Variants in L3MBTL4 observed in about 807,000 individuals in gnomAD.
The protein encoded by L3MBTL4 is lethal(3)malignant brain tumor-like protein 4.
Under a neutral mutation model 84.5 loss-of-function variants are expected in L3MBTL4, and 70 were observed. The observed-to-expected ratio is 0.83, with a 90% CI of 0.68 to 1.01. L3MBTL4 has a LOEUF of 1.01. Among genes scored for constraint, L3MBTL4 ranks in the 50% least tolerant of loss-of-function variants. L3MBTL4 has a pLI of 0.00. For missense variants in L3MBTL4, 715 were observed against 754.8 expected, an observed-to-expected ratio of 0.95 and a Z score of 0.62; for synonymous variants, 274 against 259.8, an observed-to-expected ratio of 1.05 and a Z score of -0.52.
chr18:6,297,287 GA>G (rs1568453708), intron 4 of L3MBTL4, among the ~76,000 whole-genome samples: 1 of 152,138 alleles, frequency 6.6e-6, no homozygotes, highest in Non-Finnish European at 1.5e-5. Flanking sequence ...AACGGTAGAA[GA>G]AACCTACATG....
At chr18:6,392,742 C>T (rs577693617) in intron 1 of L3MBTL4, among the ~76,000 whole-genome samples, 2 of 152,282 alleles carry the variant, frequency 1.3e-5, no homozygotes, top group Non-Finnish European at 2.9e-5. Context: ...GAATTTATTA[C>T]TAAGACTTCA....
chr18:6,177,895 C>T (rs2044294139), intron 12 of L3MBTL4, among the ~76,000 whole-genome samples: 1 of 152,194 alleles, frequency 6.6e-6, no homozygotes, highest in Non-Finnish European at 1.5e-5. Context: ...TCCCAAGCTT[C>T]AACTAATTTC....
intron 16 of L3MBTL4, among the ~76,000 whole-genome samples, chr18:6,071,761 A>AAAAGAAAG (rs201841975): frequency 0.11 from 9,700 of 91,712 alleles, 647 homozygotes; most frequent in Non-Finnish European, 0.14. Flanking sequence ...AAGAAAGAAA[A>AAAAGAAAG]AAAGAAAGAA....
At chr18:6,310,280 T>C (rs1409910228) in intron 3 of L3MBTL4, among the ~76,000 whole-genome samples, 2 of 152,160 alleles carry the variant, frequency 1.3e-5, no homozygotes. Context: ...AAATAGAAAG[T>C]TCTTCCCTTA....
At chr18:6,361,302 TAGTAATGAC>T (rs1343617457) in intron 1 of L3MBTL4, among the ~76,000 whole-genome samples, 1 of 152,100 alleles carries the variant, frequency 6.6e-6, no homozygotes, top group Non-Finnish European at 1.5e-5. Flanking sequence ...CCAGTATAAA[TAGTAATGAC>T]AGTCTACCAG....
At chr18:6,231,868 C>A (rs1215219103) in intron 10 of L3MBTL4, among the ~76,000 whole-genome samples, 1 of 152,016 alleles carries the variant, frequency 6.6e-6, no homozygotes, top group Non-Finnish European at 1.5e-5. Context: ...CTCTCCCTTT[C>A]CGTTAGGATG....
At chr18:6,059,523 G>A (rs996700629) in intron 16 of L3MBTL4, among the ~76,000 whole-genome samples, 1 of 151,946 alleles carries the variant, frequency 6.6e-6, no homozygotes, top group Non-Finnish European at 1.5e-5. Context: ...TCATTTTCAT[G>A]TATTTCTGGA....
At chr18:6,114,406 T>C (rs1244690250) in intron 14 of L3MBTL4, among the ~76,000 whole-genome samples, 1 of 152,258 alleles carries the variant, frequency 6.6e-6, no homozygotes, top group Admixed American at 6.5e-5. Flanking sequence ...GGTATCTTTT[T>C]CTGTGCTTCT....
intron 1 of L3MBTL4, chr18:6,367,593 A>C (rs1226523820): frequency 6.6e-6 from 1 of 152,264 alleles, no homozygotes; most frequent in Admixed American, 6.5e-5. Flanking sequence ...AATCCCTGAC[A>C]ATCTTTTCAC....
rs116686832 is a variant in L3MBTL4, at chr18:6,219,171, G to T, written c.785-3336C>A. Among the ~76,000 whole-genome samples, 895 of 152,132 alleles carry T rather than the reference G, an allele frequency of 5.9e-3. 10 individuals carry two copies. Among genetic ancestry groups the T allele is most frequent in the African/African-American group, 0.02 (830 of 41,512 alleles). ...CCAAGTGCTATACAGTTAGAAAGTG[G>T]AAGAAATGGTATCTGAACAATGACG... On this transcript the variant is annotated intron_variant, in intron 10 of 18. Transcript: ENST00000317931.
At chr18:6,293,376 G>A (rs2049953611) in intron 4 of L3MBTL4, among the ~76,000 whole-genome samples, 1 of 152,008 alleles carries the variant, frequency 6.6e-6, no homozygotes, top group Admixed American at 6.6e-5. Context: ...CGAAGTGCTC[G>A]AAGAATAATA....
intron 14 of L3MBTL4, among the ~76,000 whole-genome samples, chr18:6,137,593 T>C (rs1487653604): frequency 6.6e-6 from 1 of 152,232 alleles, no homozygotes; most frequent in Non-Finnish European, 1.5e-5. Context: ...TATATGTTTC[T>C]AGATCACCAA....
chr18:6,370,195 G>A (rs2054103048), intron 1 of L3MBTL4, among the ~76,000 whole-genome samples: 1 of 151,750 alleles, frequency 6.6e-6, no homozygotes, highest in South Asian at 2.1e-4. Context: ...CAAGGGTGAA[G>A]GGAAGGCATA....
chr18:6,153,725 C>G (rs2042986237), intron 13 of L3MBTL4, among the ~76,000 whole-genome samples: 1 of 152,096 alleles, frequency 6.6e-6, no homozygotes, highest in South Asian at 2.1e-4. Flanking sequence ...ATGCTGTTCT[C>G]ATGATAGTGA....
intron 12 of L3MBTL4, among the ~76,000 whole-genome samples, chr18:6,208,581 G>A (rs888106982): frequency 1.3e-5 from 2 of 152,120 alleles, no homozygotes; most frequent in Admixed American, 6.5e-5. Context: ...TCTGTTTTAA[G>A]TCCTTCCTTT....
intron 14 of L3MBTL4, among the ~76,000 whole-genome samples, chr18:6,132,369 T>C (rs1203771093): frequency 6.6e-6 from 1 of 152,148 alleles, no homozygotes; most frequent in East Asian, 1.9e-4. Context: ...GACCCTGGAA[T>C]CATGAAGCTT....
At chr18:6,266,865 G>C (rs1425319759) in intron 4 of L3MBTL4, among the ~76,000 whole-genome samples, 1 of 152,152 alleles carries the variant, frequency 6.6e-6, no homozygotes, top group Non-Finnish European at 1.5e-5. Flanking sequence ...AGAGGTTGCA[G>C]TGAGTGAAGA....
chr18:6,372,784 GT>G (rs2054208427), intron 1 of L3MBTL4, among the ~76,000 whole-genome samples: 1 of 152,082 alleles, frequency 6.6e-6, no homozygotes, highest in Non-Finnish European at 1.5e-5. Flanking sequence ...TGTTTTCTTT[GT>G]GATCATTTTT....
In L3MBTL4 at chr18:6,158,116, T is replaced by C. The variant is rs180837971; in HGVS notation, c.1096+13712A>G. Among the ~76,000 whole-genome samples, 23 of 152,282 alleles carry C rather than the reference T, an allele frequency of 1.5e-4. No homozygotes were observed. The East Asian group carries it at 3.7e-3, about 24-fold the overall frequency. On this transcript the variant is annotated intron_variant, in intron 13 of 18. Coordinates refer to ENST00000317931, the MANE Select transcript of L3MBTL4 (RefSeq NM_001330559.2). ...CATTATGTGACTAACCAACACATTATAGAGAGAAGAATATATAGACAAATG... is the reference window on the plus strand; with the variant it reads ...CATTATGTGACTAACCAACACATTACAGAGAGAAGAATATATAGACAAATG...
Sources: allele counts gnomAD v4.1 joint callset (sites outside exome capture counted in the v4.1 genomes callset), GRCh38; gene constraint gnomAD v4.1.1; transcripts MANE v1.5; gene names NCBI Gene and HGNC (gene_info 2026-07-23, HGNC 2026-07-21).